The following ITGA1 variants were observed in gnomAD, a reference collection of about 807,000 sequenced individuals.
The protein encoded by ITGA1 is integrin subunit alpha 1, also known as integrin alpha-1.
A neutral mutation model predicts 145.9 loss-of-function variants in ITGA1; 85 were observed. That is an observed-to-expected ratio of 0.58 (90% confidence interval 0.49 to 0.70). The LOEUF (loss-of-function observed/expected upper bound fraction) is 0.70. Among genes scored for constraint, ITGA1 ranks in the 30% least tolerant of loss-of-function variants. The pLI, the probability that ITGA1 is intolerant of heterozygous loss-of-function variation, is 0.00. For synonymous variants in ITGA1, 520 were observed against 495.3 expected (o/e 1.05, Z -0.66); for missense variants, 1,351 against 1,418.7 (o/e 0.95, Z 0.77).
chr5:52,819,017 C>T (rs923447364), intron 1 of ITGA1, among the ~76,000 whole-genome samples: 1 of 152,130 alleles, frequency 6.6e-6, no homozygotes, highest in Non-Finnish European at 1.5e-5. Flanking sequence ...GAACACACAT[C>T]TCTATGGTTA....
intron 26 of ITGA1, among the ~76,000 whole-genome samples, chr5:52,941,114 T>C: frequency 6.6e-6 from 1 of 152,234 alleles, no homozygotes; most frequent in Non-Finnish European, 1.5e-5. Flanking sequence ...ATGATTTTGT[T>C]CTTTTTTATG....
At chr5:52,880,076 C>T (rs775378230) in intron 6 of ITGA1, among the ~76,000 whole-genome samples, 1 of 152,152 alleles carries the variant, frequency 6.6e-6, no homozygotes, top group African/African-American at 2.4e-5. Flanking sequence ...GTGGCAGTGG[C>T]ACTCAGCAGA....
At position 52,861,498 on chromosome 5, in the gene ITGA1, T is replaced by C. The variant is rs1380836185; in HGVS notation, c.234T>C (p.Asp78=). The change falls in exon 3 of 29, where the codon GAT becomes GAC. Residue 78 remains aspartate, a synonymous_variant. Transcript: ENST00000282588. The stretch of plus-strand genomic sequence containing the variant: ...GCCAACCCAAAAACAGAACTGGAGA[T>C]GTCTATAAGTGTCCAGTTGGGAGAG... ...LVGQPKNRTG[D]VYKCPVGRGE... is the part of the protein sequence containing the mutation. 2 of 1,613,884 alleles carry C rather than the reference T, an allele frequency of 1.2e-6. No homozygotes were observed. The highest frequency in any genetic ancestry group is 1.7e-6 in the Non-Finnish European group (2 of 1,179,862).
At chr5:52,867,435 G>A (rs575522216) in intron 6 of ITGA1, among the ~76,000 whole-genome samples, 30 of 152,162 alleles carry the variant, frequency 2.0e-4, no homozygotes, top group African/African-American at 6.7e-4. Flanking sequence ...ATTTTCCCTG[G>A]AAGTGACTTA....
intron 6 of ITGA1, chr5:52,867,265 C>T (rs1234327554): frequency 1.3e-5 from 2 of 152,046 alleles, no homozygotes; most frequent in African/African-American, 4.8e-5. Context: ...ACTCAAACTT[C>T]AAAGTGAAAT....
rs536145531 is a variant in ITGA1 at position 52,958,730 on chromosome 5, G to C, written c.*6279G>C. On this transcript the variant is annotated 3_prime_UTR_variant, in exon 29 of 29. Coordinates refer to ENST00000282588, the MANE Select transcript of ITGA1 (RefSeq NM_181501.2). Reference sequence around the variant, plus strand: ...TTAGCAAGAAAAATATTGCATACAAGAACTACTGCCCTGAAATATCCATCA... The same window carrying C: ...TTAGCAAGAAAAATATTGCATACAACAACTACTGCCCTGAAATATCCATCA... 1.1e-4 allele frequency: 17 copies of C among 152,194 alleles called. No homozygotes were observed. The highest frequency in any genetic ancestry group is 1.9e-4 in the Non-Finnish European group (13 of 67,968). The allele number at this position is 152,194 out of a possible 1,614,324, so 9.4% of individuals were successfully genotyped here.
chr5:52,897,717 G>A (rs537363157), intron 10 of ITGA1, among the ~76,000 whole-genome samples, 189 bp downstream of exon 10: 6 of 152,246 alleles, frequency 3.9e-5, no homozygotes, highest in Non-Finnish European at 5.9e-5. Flanking sequence ...AAGAAAATAT[G>A]TTCTCTCACA....
intron 12 of ITGA1, among the ~76,000 whole-genome samples, chr5:52,907,017 T>C (rs916919614): frequency 3.3e-5 from 5 of 152,206 alleles, no homozygotes; most frequent in Admixed American, 3.3e-4. Context: ...GTCAAAAATA[T>C]GTCATCTTCA....
At chr5:52,928,985 A>G (rs1461277209) in intron 20 of ITGA1, among the ~76,000 whole-genome samples, 1 of 152,198 alleles carries the variant, frequency 6.6e-6, no homozygotes, top group Non-Finnish European at 1.5e-5. Context: ...GAACTTAAGC[A>G]TTATTTAGTC....
chr5:52,862,561 C>T (rs959252794), intron 3 of ITGA1, among the ~76,000 whole-genome samples: 7 of 152,150 alleles, frequency 4.6e-5, no homozygotes, highest in African/African-American at 1.7e-4. Context: ...TGTGAAAGAA[C>T]TTCTCCAAAT....
chr5:52,930,241 G>T (rs1750875075), intron 21 of ITGA1, among the ~76,000 whole-genome samples: 1 of 152,150 alleles, frequency 6.6e-6, no homozygotes, highest in South Asian at 2.1e-4. Flanking sequence ...TGTCTGCAGT[G>T]AGATGGTGTC....
intron 17 of ITGA1, 53 bp downstream of exon 17, chr5:52,920,521 A>C: frequency 7.4e-7 from 1 of 1,356,116 alleles, no homozygotes; most frequent in Non-Finnish European, 9.8e-7. Flanking sequence ...AATACAGTAG[A>C]GATGTCTTAT....
In ITGA1 at chr5:52,849,449, A is replaced by G. The variant is rs775350374; in HGVS notation, c.146A>G (p.Tyr49Cys). The G allele has an allele frequency of 6.8e-6, 11 of 1,610,940 alleles. No individual in the cohort carries two copies. The Admixed American group carries it at 1.7e-4, about 24-fold the overall frequency. ...GGCCCGGTGGAAGACATGTTTGGAT[A>G]TACTGTTCAACAATATGAAAATGAA... ...FSGPVEDMFG[Y>C]TVQQYENEEG... Residue 49 changes from tyrosine (Y) to cysteine (C), a missense_variant, in exon 2 of 29, where the codon TAT (tyrosine) becomes TGT (cysteine). Tyr to Cys is a radical substitution (Grantham distance 194, BLOSUM62 -2). Transcript: ENST00000282588.
intron 23 of ITGA1, among the ~76,000 whole-genome samples, chr5:52,934,552 A>G (rs1750938082): frequency 6.6e-6 from 1 of 151,844 alleles, no homozygotes; most frequent in Non-Finnish European, 1.5e-5. Context: ...TCCTTAAATG[A>G]TGTTTTCTAT....
intron 7 of ITGA1, 57 bp from the exon 8 acceptor site, chr5:52,887,758 T>C (rs1251233994): frequency 4.0e-6 from 6 of 1,503,624 alleles, no homozygotes; most frequent in Admixed American, 2.1e-5. Context: ...AGTTTTTTAC[T>C]TTGTCTATTG....
chr5:52,940,049 G>A (rs888102723), intron 26 of ITGA1, 105 bp downstream of exon 26: 4 of 734,462 alleles, frequency 5.4e-6, no homozygotes, highest in Non-Finnish European at 9.6e-6. Flanking sequence ...AAGAATGTGC[G>A]ACTGGAAGTA....
At position 52,953,435 on chromosome 5, in the gene ITGA1, C is replaced by T. The variant is rs1316979600; in HGVS notation, c.*984C>T. The T allele has an allele frequency of 6.6e-6, 1 of 152,166 alleles. No homozygotes were observed. The highest frequency in any genetic ancestry group is 1.5e-5 in the Non-Finnish European group (1 of 68,030). The allele number at this position is 152,166 out of a possible 1,614,324, so 9.4% of individuals were successfully genotyped here. A position where few individuals can be genotyped will look rare whatever the true frequency, so the allele number is the denominator to read the frequency against. ...TCCTTGGTACAGGGTTCATTCAAAC[C>T]CCCAAGCTGTGAGAGTGTGTTTATT... On this transcript the variant is annotated 3_prime_UTR_variant, in exon 29 of 29. Coordinates refer to ENST00000282588, the MANE Select transcript of ITGA1 (RefSeq NM_181501.2).
At chr5:52,949,585 A>G (rs1450319187) in intron 28 of ITGA1, among the ~76,000 whole-genome samples, 2 of 152,142 alleles carry the variant, frequency 1.3e-5, no homozygotes, top group South Asian at 2.1e-4. Context: ...TCTTTTTCCA[A>G]TATATCCTAC....
chr5:52,902,045 A>G (rs532822656), intron 11 of ITGA1: 1 of 152,042 alleles, frequency 6.6e-6, no homozygotes, highest in East Asian at 1.9e-4. Context: ...AGTTTTCAAA[A>G]TGTTTCTTTG....
Sources: gnomAD v4.1 joint callset for allele counts (sites outside exome capture counted in the v4.1 genomes callset) on GRCh38, gnomAD v4.1.1 for gene constraint, MANE v1.5 for transcripts, NCBI Gene and HGNC (gene_info 2026-07-23, HGNC 2026-07-21) for gene names.